RUNDC3B: variants seen among roughly 807,000 people sequenced by gnomAD.
The protein encoded by RUNDC3B is RUN domain-containing protein 3B.
In RUNDC3B, 33 loss-of-function variants were observed where a neutral mutation model predicts 58.4. The ratio of observed to expected loss-of-function variants is 0.56; its 90% CI spans 0.43 to 0.75. The LOEUF (loss-of-function observed/expected upper bound fraction) is 0.75. Ranked by LOEUF, RUNDC3B falls within the 30% of genes least tolerant of loss-of-function variation. The pLI is 0.00. For missense variants in RUNDC3B, 501 were observed against 535.7 expected (o/e 0.94, Z 0.64); for synonymous variants, 193 against 195.2 (o/e 0.99, Z 0.10).
At chr7:87,814,101 CTTT>C (rs528299203) in intron 9 of RUNDC3B, among the ~76,000 whole-genome samples, 6 of 138,690 alleles carry the variant, frequency 4.3e-5, no homozygotes, top group Admixed American at 7.2e-5. Flanking sequence ...TCTTTCTTTC[CTTT>C]TTTTTTTTTT....
intron 2 of RUNDC3B, among the ~76,000 whole-genome samples, chr7:87,695,926 T>C (rs1696542773): frequency 6.6e-6 from 1 of 152,036 alleles, no homozygotes; most frequent in African/African-American, 2.4e-5. Flanking sequence ...TCACAGGCAA[T>C]TTTTAGGTCC....
chr7:87,652,815 A>G (rs1823718829), intron 2 of RUNDC3B, among the ~76,000 whole-genome samples: 2 of 151,878 alleles, frequency 1.3e-5, no homozygotes, highest in Admixed American at 1.3e-4. Flanking sequence ...TTCACTTATG[A>G]TTTAGTTACA....
At position 87,638,371 on chromosome 7, in the gene RUNDC3B, G is replaced by GTGTGTGTA. The variant is rs1554449113; in HGVS notation, c.122+9433_122+9434insATGTGTGT. Reference sequence around the variant, plus strand: ...TGTGTGTGTGTGTGTGTGTGTGTGTGTGTGTGTGTTTCCTCCCCTGTTCTG... The same window carrying GTGTGTGTA: ...TGTGTGTGTGTGTGTGTGTGTGTGTGTGTGTGTATGTGTGTGTTTCCTCCCCTGTTCTG... On this transcript the variant is annotated intron_variant, in intron 1 of 10. Coordinates refer to ENST00000394654, the MANE Select transcript of RUNDC3B (RefSeq NM_001134405.2). 7.0e-3 allele frequency among the ~76,000 whole-genome samples: 1,060 copies of GTGTGTGTA among 151,752 alleles called. 2 individuals carry two copies. Among genetic ancestry groups the GTGTGTGTA allele is most frequent in the Non-Finnish European group, 0.012 (838 of 67,884 alleles).
intron 8 of RUNDC3B, 48 bp from the exon 9 acceptor site, chr7:87,807,325 A>G (rs374665893): frequency 1.9e-5 from 31 of 1,593,482 alleles, no homozygotes; most frequent in South Asian, 1.7e-4. Flanking sequence ...TTCCTCTGCC[A>G]TTGTAGAACA....
intron 4 of RUNDC3B, among the ~76,000 whole-genome samples, chr7:87,729,041 T>A (rs1831420889): frequency 6.6e-6 from 1 of 152,076 alleles, no homozygotes; most frequent in Non-Finnish European, 1.5e-5. Context: ...ATTTTTCCTT[T>A]TTAAAAATCT....
intron 2 of RUNDC3B, among the ~76,000 whole-genome samples, chr7:87,690,055 G>T (rs759403222): frequency 2.0e-5 from 3 of 151,766 alleles, no homozygotes; most frequent in Non-Finnish European, 2.9e-5. Context: ...ATCTCGAACC[G>T]CTGAGCTCAA....
chr7:87,661,384 C>T (rs529397590), intron 2 of RUNDC3B, among the ~76,000 whole-genome samples: 27 of 151,716 alleles, frequency 1.8e-4, no homozygotes, highest in Non-Finnish European at 7.4e-5. Flanking sequence ...TTTTTGTACC[C>T]ATTAACCATC....
At chr7:87,646,917 C>T (rs1053339288) in intron 1 of RUNDC3B, among the ~76,000 whole-genome samples, 3 of 152,140 alleles carry the variant, frequency 2.0e-5, no homozygotes, top group Admixed American at 6.5e-5. Context: ...CTAACTTTAT[C>T]AGTGTTACTT....
chr7:87,717,359 G>A (rs965428561), intron 4 of RUNDC3B, among the ~76,000 whole-genome samples: 42 of 151,802 alleles, frequency 2.8e-4, no homozygotes, highest in African/African-American at 8.7e-4. Context: ...GAACAATAAA[G>A]CAAAAAATAA....
intron 6 of RUNDC3B, among the ~76,000 whole-genome samples, chr7:87,743,453 G>A (rs1832462868): frequency 6.6e-6 from 1 of 152,070 alleles, no homozygotes; most frequent in Non-Finnish European, 1.5e-5. Context: ...AGTGTTCCCT[G>A]TTTGCTGCAT....
At chr7:87,774,482 A>T (rs1202445494) in intron 7 of RUNDC3B, among the ~76,000 whole-genome samples, 3 of 152,154 alleles carry the variant, frequency 2.0e-5, no homozygotes, top group African/African-American at 7.2e-5. Context: ...AGCAAGAATA[A>T]TTTTTTTAAA....
At chr7:87,641,687 C>A (rs1363515197) in intron 1 of RUNDC3B, among the ~76,000 whole-genome samples, 1 of 152,182 alleles carries the variant, frequency 6.6e-6, no homozygotes, top group Non-Finnish European at 1.5e-5. Context: ...AAAAACAAAT[C>A]CTCCAAAATA....
chr7:87,715,400 T>G lies in RUNDC3B; in HGVS notation c.458+4745T>G, dbSNP rs1267273076. 5.4e-5 allele frequency among the ~76,000 whole-genome samples: 7 copies of G among 128,480 alleles called. No homozygotes were observed. In the Admixed American group the frequency reaches 6.3e-4, roughly 11 times the overall value. The allele number at this position is 128,480 out of a possible 152,430, so 84.3% of individuals were successfully genotyped here. On this transcript the variant is annotated intron_variant, in intron 4 of 10. Coordinates refer to ENST00000394654, the MANE Select transcript of RUNDC3B (RefSeq NM_001134405.2). ...ATATAATCAATATAATATAATATAT[T>G]TAATATTTAATATAATATATTTAAT... is the stretch of plus-strand genomic sequence containing the variant.
At chr7:87,795,384 A>G (rs1204166651) in intron 8 of RUNDC3B, among the ~76,000 whole-genome samples, 1 of 152,230 alleles carries the variant, frequency 6.6e-6, no homozygotes. Context: ...AAGGTGCTCA[A>G]CATCACTGAT....
intron 1 of RUNDC3B, among the ~76,000 whole-genome samples, chr7:87,642,723 A>G (rs772663752): frequency 3.3e-5 from 5 of 152,002 alleles, no homozygotes; most frequent in Non-Finnish European, 7.4e-5. Context: ...TTATTTTAAG[A>G]GTGTGCTTCT....
chr7:87,715,321 A>T (rs28444383), intron 4 of RUNDC3B, among the ~76,000 whole-genome samples: 61 of 118,490 alleles, frequency 5.1e-4, no homozygotes, highest in African/African-American at 1.3e-3. Context: ...TTAATTTATA[A>T]TAATTATATA....
intron 4 of RUNDC3B, among the ~76,000 whole-genome samples, chr7:87,732,996 G>A (rs932271710): frequency 1.3e-5 from 2 of 152,154 alleles, no homozygotes; most frequent in African/African-American, 4.8e-5. Flanking sequence ...ACAATCCATG[G>A]AAACAGGATG....
chr7:87,806,203 A>C (rs936180544), intron 8 of RUNDC3B, among the ~76,000 whole-genome samples: 1 of 152,182 alleles, frequency 6.6e-6, no homozygotes, highest in South Asian at 2.1e-4. Context: ...TTTTCAGTGC[A>C]CACAGATACC....
At chr7:87,759,452 A>T (rs1833556472) in intron 6 of RUNDC3B, among the ~76,000 whole-genome samples, 1 of 152,094 alleles carries the variant, frequency 6.6e-6, no homozygotes, top group Non-Finnish European at 1.5e-5. Flanking sequence ...AATTTATTGT[A>T]TATTTTAAAA....
Sources: allele counts gnomAD v4.1 joint callset (sites outside exome capture counted in the v4.1 genomes callset), GRCh38; gene constraint gnomAD v4.1.1; transcripts MANE v1.5; gene names NCBI Gene and HGNC (gene_info 2026-07-23, HGNC 2026-07-21).